IL2RB: variants seen among roughly 807,000 people sequenced by gnomAD.
IL2RB encodes interleukin-2 receptor subunit beta.
A neutral mutation model predicts 44.2 loss-of-function variants in IL2RB; 17 were observed. The observed-to-expected ratio is 0.38, with a 90% CI of 0.26 to 0.58. IL2RB has a LOEUF of 0.58. Among genes scored for constraint, IL2RB ranks in the 20% least tolerant of loss-of-function variants. The pLI is 0.63. For synonymous variants in IL2RB, 286 were observed against 297.9 expected (o/e 0.96, Z 0.41); for missense variants, 624 against 685.5 (o/e 0.91, Z 1.00).
chr22:37,136,167 C>G (rs3218299), intron 7 of IL2RB, 61 bp downstream of exon 7: 5 of 1,519,798 alleles, frequency 3.3e-6, no homozygotes, highest in Non-Finnish European at 3.6e-6. Flanking sequence ...AATGGAGCAG[C>G]TCCTCCTCCA....
chr22:37,161,365 G>A (rs1922865205), intron 1 of IL2RB, among the ~76,000 whole-genome samples: 1 of 152,140 alleles, frequency 6.6e-6, no homozygotes, highest in Non-Finnish European at 1.5e-5. Context: ...ACATCTGGGT[G>A]CGCTGCATCT....
intron 1 of IL2RB, among the ~76,000 whole-genome samples, chr22:37,164,439 C>G (rs1423925264): frequency 1.3e-5 from 2 of 149,244 alleles, no homozygotes; most frequent in Non-Finnish European, 3.0e-5. Flanking sequence ...CTGTGCCGTT[C>G]CTGCATGAAG....
intron 1 of IL2RB, among the ~76,000 whole-genome samples, chr22:37,174,099 C>A (rs1244117753): frequency 6.6e-6 from 1 of 152,214 alleles, no homozygotes; most frequent in Non-Finnish European, 1.5e-5. Context: ...AATCTCACTT[C>A]CCCGAGGTTG....
intron 1 of IL2RB, among the ~76,000 whole-genome samples, chr22:37,155,393 C>G (rs528796536): frequency 5.4e-4 from 82 of 152,338 alleles, no homozygotes; most frequent in African/African-American, 1.9e-3. Context: ...CATACACACT[C>G]AAACCTTCCC....
At position 37,135,413 on chromosome 22, in the gene IL2RB, C is replaced by T. The variant is rs754692430; in HGVS notation, c.733G>A (p.Gly245Ser). Residue 245 changes from glycine to serine, a missense_variant, in exon 8 of 10, where the codon GGC becomes AGC. Gly to Ser is a moderately conservative substitution (Grantham distance 56). Coordinates refer to ENST00000216223, the MANE Select transcript of IL2RB (RefSeq NM_000878.5). ...ALGKDTIPWL[G>S]HLLVGLSGAF... Reference sequence around the variant, plus strand: ...CCGCTGAGGCCCACGAGGAGGTGGCCGAGCCACGGAATGGTGTCCTTCCCA... The same window carrying T: ...CCGCTGAGGCCCACGAGGAGGTGGCTGAGCCACGGAATGGTGTCCTTCCCA... 28 of 1,613,658 alleles carry T rather than the reference C, an allele frequency of 1.7e-5. No individual in the cohort carries two copies. In the African/African-American group the frequency reaches 1.9e-4, roughly 11 times the overall value.
At chr22:37,139,827 A>T (rs1467437019) in intron 4 of IL2RB, among the ~76,000 whole-genome samples, 1 of 152,090 alleles carries the variant, frequency 6.6e-6, no homozygotes, top group East Asian at 1.9e-4. Flanking sequence ...CATCCATCCC[A>T]TGGTATGGGT....
intron 1 of IL2RB, among the ~76,000 whole-genome samples, chr22:37,147,298 G>C (rs1922271631): frequency 6.6e-6 from 1 of 152,252 alleles, no homozygotes; most frequent in African/African-American, 2.4e-5. Flanking sequence ...AGGTCATGCA[G>C]TGGATAAGAG....
At chr22:37,175,071 A>G (rs1923410033), upstream of IL2RB, 1 of 152,222 alleles carries the variant, frequency 6.6e-6, no homozygotes, top group Non-Finnish European at 1.5e-5. Flanking sequence ...TGAAGGGGGA[A>G]GGGTCCCTTA....
intron 1 of IL2RB, among the ~76,000 whole-genome samples, chr22:37,167,552 C>T (rs888231439): frequency 6.6e-6 from 1 of 152,216 alleles, no homozygotes; most frequent in African/African-American, 2.4e-5. Flanking sequence ...CTGGCAGTTC[C>T]TGGAAGTCTC....
At chr22:37,157,214 C>G (rs761226770) in intron 1 of IL2RB, among the ~76,000 whole-genome samples, 24 of 152,218 alleles carry the variant, frequency 1.6e-4, no homozygotes, top group Non-Finnish European at 3.5e-4. Flanking sequence ...TTCCTGAGGG[C>G]TGTCCTCCGA....
chr22:37,160,099 C>T (rs1242652605), intron 1 of IL2RB, among the ~76,000 whole-genome samples: 9 of 152,240 alleles, frequency 5.9e-5, no homozygotes, highest in Admixed American at 5.9e-4. Flanking sequence ...GTTGACCTCC[C>T]AACATCAAAG....
upstream of IL2RB, among the ~76,000 whole-genome samples, chr22:37,153,096 G>A (rs376923850): frequency 9.2e-5 from 14 of 152,032 alleles, no homozygotes; most frequent in East Asian, 1.9e-4. Flanking sequence ...TACCATGCCC[G>A]GCTAATTTTT....
chr22:37,136,768 C>T (rs141186198), intron 6 of IL2RB, among the ~76,000 whole-genome samples: 305 of 152,254 alleles, frequency 2.0e-3, no homozygotes, highest in African/African-American at 6.0e-3. Flanking sequence ...GAAAGTGGGA[C>T]GTCTCCGCAC....
At chr22:37,156,059 C>A (rs1429190075) in intron 1 of IL2RB, among the ~76,000 whole-genome samples, 1 of 152,194 alleles carries the variant, frequency 6.6e-6, no homozygotes, top group Admixed American at 6.5e-5. Flanking sequence ...AACGCCCTAC[C>A]CGTCCTCCCT....
chr22:37,137,135 T>TCC (rs1453364682), intron 6 of IL2RB, among the ~76,000 whole-genome samples: 3 of 152,182 alleles, frequency 2.0e-5, no homozygotes, highest in Admixed American at 2.0e-4. Flanking sequence ...GAGCTCACCC[T>TCC]CCGCTCTCTC....
chr22:37,147,294 T>G (rs536371001), intron 1 of IL2RB, among the ~76,000 whole-genome samples: 166 of 152,338 alleles, frequency 1.1e-3, no homozygotes, highest in Non-Finnish European at 2.0e-3. Context: ...CCTAAGGTCA[T>G]GCAGTGGATA....
At chr22:37,175,099 G>C (rs970792456), upstream of IL2RB, 1 of 152,198 alleles carries the variant, frequency 6.6e-6, no homozygotes, top group African/African-American at 2.4e-5. Context: ...ATCAAAACTC[G>C]TGAGAACTCA....
intron 1 of IL2RB, among the ~76,000 whole-genome samples, chr22:37,174,593 G>A (rs143203671): frequency 1.4e-3 from 207 of 152,284 alleles, no homozygotes; most frequent in African/African-American, 4.7e-3. Flanking sequence ...CCAATCACCT[G>A]TCCCCACACC....
chr22:37,156,293 G>A (rs995212765), intron 1 of IL2RB, among the ~76,000 whole-genome samples: 7 of 152,160 alleles, frequency 4.6e-5, no homozygotes, highest in South Asian at 2.1e-4. Context: ...TGCCATCACC[G>A]CCTCCACTGT....
Sources: gnomAD v4.1 joint callset for allele counts (sites outside exome capture counted in the v4.1 genomes callset) on GRCh38, gnomAD v4.1.1 for gene constraint, MANE v1.5 for transcripts, NCBI Gene and HGNC (gene_info 2026-07-23, HGNC 2026-07-21) for gene names.